OR51B5: variants seen among roughly 807,000 people sequenced by gnomAD.
The protein encoded by OR51B5 is olfactory receptor family 51 subfamily B member 5, also known as olfactory receptor 51B5.
For missense variants in OR51B5, 456 were observed against 374.6 expected (o/e 1.22, Z -1.79); for synonymous variants, 186 against 144.8 (o/e 1.28, Z -2.04).
At chr11:5,471,583 C>T (rs967122020) in intron 1 of OR51B5, among the ~76,000 whole-genome samples, 4 of 149,338 alleles carry the variant, frequency 2.7e-5, no homozygotes, top group African/African-American at 7.4e-5. Context: ...TTGCAGTGAG[C>T]TGAGATCGCA....
intron 1 of OR51B5, among the ~76,000 whole-genome samples, chr11:5,421,185 G>A (rs1220514869): frequency 6.6e-6 from 1 of 152,180 alleles, no homozygotes; most frequent in Non-Finnish European, 1.5e-5. Flanking sequence ...GCTCCCTGTG[G>A]GACCCAGGTC....
At chr11:5,496,898 T>C (rs78365661) in intron 1 of OR51B5, among the ~76,000 whole-genome samples, 1 of 152,180 alleles carries the variant, frequency 6.6e-6, no homozygotes, top group Admixed American at 6.5e-5. Flanking sequence ...CTCCCGAGGA[T>C]AGTCCTAGAC....
intron 1 of OR51B5, chr11:5,422,524 A>G (rs1207205346): frequency 6.2e-7 from 1 of 1,613,988 alleles, no homozygotes. Context: ...TCCTTCATGG[A>G]TTCTCCTTTA....
chr11:5,471,254 T>C (rs1192943901), intron 1 of OR51B5, among the ~76,000 whole-genome samples: 1 of 152,206 alleles, frequency 6.6e-6, no homozygotes, highest in Non-Finnish European at 1.5e-5. Flanking sequence ...TTCTTCTCAT[T>C]TTATTCTCAA....
At chr11:5,481,820 G>A (rs1851425920) in intron 1 of OR51B5, among the ~76,000 whole-genome samples, 1 of 138,012 alleles carries the variant, frequency 7.2e-6, no homozygotes, top group Non-Finnish European at 1.5e-5. Context: ...ACCTCTTCAA[G>A]GAGAACTACA....
intron 1 of OR51B5, among the ~76,000 whole-genome samples, chr11:5,474,922 G>T (rs781765971): frequency 2.6e-5 from 4 of 152,136 alleles, no homozygotes; most frequent in African/African-American, 2.4e-5. Context: ...TAATGGAGAA[G>T]AACTAAAATA....
intron 1 of OR51B5, among the ~76,000 whole-genome samples, chr11:5,397,394 A>G (rs1422342275): frequency 1.3e-5 from 2 of 152,184 alleles, no homozygotes; most frequent in African/African-American, 4.8e-5. Flanking sequence ...GGCAAAGGAT[A>G]TGAACAGACA....
At chr11:5,384,980 A>T (rs955393383) in intron 1 of OR51B5, among the ~76,000 whole-genome samples, 10 of 152,236 alleles carry the variant, frequency 6.6e-5, no homozygotes, top group African/African-American at 2.4e-4. Context: ...TATTTACAAG[A>T]AACAGTATCC....
Position 5,385,950 on chromosome 11 carries a change from A to G in OR51B5, n.85-39040T>C, listed in dbSNP as rs1271933573. 2.0e-5 allele frequency among the ~76,000 whole-genome samples: 3 copies of G among 149,334 alleles called. No homozygotes were observed. In the East Asian group the frequency reaches 5.8e-4, roughly 29 times the overall value. ...ATGGATGTATAAGTATGTTCTATATATATATCAATAAGTATATATAAATAT... is the reference window on the plus strand; with the variant it reads ...ATGGATGTATAAGTATGTTCTATATGTATATCAATAAGTATATATAAATAT... On this transcript the variant is annotated intron_variant and non_coding_transcript_variant, in intron 1 of 4. Coordinates refer to the OR51B5 transcript ENST00000415970.
chr11:5,423,143 C>A (rs1317752797), intron 1 of OR51B5: 1 of 1,592,604 alleles, frequency 6.3e-7, no homozygotes, highest in Admixed American at 1.7e-5. Context: ...CAAAAATATG[C>A]ATTCAAGATG....
intron 1 of OR51B5, among the ~76,000 whole-genome samples, chr11:5,417,437 T>A (rs1850260512): frequency 6.6e-6 from 1 of 151,740 alleles, no homozygotes; most frequent in East Asian, 2.0e-4. Flanking sequence ...GGGATCTAAT[T>A]AAACTAAAGA....
Position 5,441,433 on chromosome 11 carries a change from A to G in OR51B5, n.84+64136T>C, listed in dbSNP as rs141106591. On this transcript the variant is annotated intron_variant and non_coding_transcript_variant, in intron 1 of 4. Coordinates refer to the OR51B5 transcript ENST00000415970. ...AGGATGCAGAAAATCAGGGCAACCC[A>G]GGTGAGGCCTGTTTGTATCCCAGGA... The G allele has an allele frequency of 2.4e-5, 38 of 1,613,958 alleles. 1 individual carries two copies. In the South Asian group the frequency reaches 4.2e-4, roughly 18 times the overall value.
At chr11:5,362,992 A>T (rs1849308418) in intron 1 of OR51B5, 1 of 144,258 alleles carries the variant, frequency 6.9e-6, no homozygotes, top group Non-Finnish European at 1.5e-5. Flanking sequence ...AAATAATAGA[A>T]GTTAGGCAGG....
At chr11:5,453,251 T>C (rs1415597921) in intron 1 of OR51B5, 2 of 365,328 alleles carry the variant, frequency 5.5e-6, no homozygotes, top group African/African-American at 4.2e-5. Context: ...TCCTTGTTCA[T>C]AAAATAGAGG....
At chr11:5,460,370 C>T (rs1288840621) in intron 1 of OR51B5, among the ~76,000 whole-genome samples, 1 of 152,168 alleles carries the variant, frequency 6.6e-6, no homozygotes, top group African/African-American at 2.4e-5. Context: ...AACAAACCTG[C>T]ACATGTACCC....
downstream of OR51B5, among the ~76,000 whole-genome samples, chr11:5,342,302 A>ACATTATAGACATAC (rs1848908297): frequency 6.6e-6 from 1 of 152,254 alleles, no homozygotes; most frequent in Non-Finnish European, 1.5e-5. Flanking sequence ...TATGTTAGTT[A>ACATTATAGACATAC]CATTATAGAC....
rs553595655 is a variant in OR51B5 at position 5,481,614 on chromosome 11, T to C, written n.84+23955A>G. 5.5e-3 allele frequency among the ~76,000 whole-genome samples: 815 copies of C among 147,740 alleles called. 8 individuals carry two copies. The highest frequency in any genetic ancestry group is 0.017 in the African/African-American group (649 of 38,690). ...TGAATGTGTATCTAGAAAACCCCAC[T>C]GTCTCAGCCCAAAATCTCCTTAAGC... On this transcript the variant is annotated intron_variant and non_coding_transcript_variant, in intron 1 of 4. Coordinates refer to the OR51B5 transcript ENST00000415970.
intron 1 of OR51B5, among the ~76,000 whole-genome samples, chr11:5,491,376 C>A (rs11037768): frequency 6.6e-6 from 1 of 152,178 alleles, no homozygotes; most frequent in South Asian, 2.1e-4. Context: ...TGGAGAGCTC[C>A]TAGTTCAGTT....
intron 1 of OR51B5, among the ~76,000 whole-genome samples, chr11:5,461,467 C>T (rs1590010673): frequency 6.6e-6 from 1 of 152,136 alleles, no homozygotes. Context: ...CAGACTGGGG[C>T]TCATTCAGAT....
Sources: gnomAD v4.1 joint callset for allele counts (sites outside exome capture counted in the v4.1 genomes callset) on GRCh38, gnomAD v4.1.1 for gene constraint, MANE v1.5 for transcripts, NCBI Gene and HGNC (gene_info 2026-07-23, HGNC 2026-07-21) for gene names.